Variants in TOX observed in about 807,000 individuals in gnomAD.
TOX encodes thymocyte selection-associated high mobility group box protein TOX.
TOX carries 11 observed loss-of-function variants against 53.7 expected under a neutral mutation model. The ratio of observed to expected loss-of-function variants is 0.20; its 90% CI spans 0.13 to 0.34. The LOEUF is 0.34. Ranked by LOEUF, TOX falls within the 10% of genes least tolerant of loss-of-function variation. The pLI, the probability that TOX is intolerant of heterozygous loss-of-function variation, is 1.00. For synonymous variants in TOX, 225 were observed against 245.3 expected (o/e 0.92, Z 0.77); for missense variants, 570 against 664.6 (o/e 0.86, Z 1.56).
intron 1 of TOX, among the ~76,000 whole-genome samples, chr8:59,038,970 A>G (rs929280957): frequency 6.6e-6 from 1 of 152,212 alleles, no homozygotes; most frequent in Non-Finnish European, 1.5e-5. Context: ...ATTCTTAGAC[A>G]GCTCCACACC....
intron 1 of TOX, among the ~76,000 whole-genome samples, chr8:59,042,086 G>A (rs1031068813): frequency 5.9e-5 from 9 of 152,014 alleles, no homozygotes; most frequent in African/African-American, 1.9e-4. Context: ...ACAACCAAAG[G>A]GGTTTCTAAT....
chr8:58,967,068 G>T (rs1452963753), intron 1 of TOX, among the ~76,000 whole-genome samples: 2 of 151,846 alleles, frequency 1.3e-5, no homozygotes, highest in African/African-American at 4.8e-5. Flanking sequence ...TAGAGACGGG[G>T]TTTCACCGTG....
At chr8:59,048,665 C>T (rs1803732087) in intron 1 of TOX, among the ~76,000 whole-genome samples, 1 of 152,028 alleles carries the variant, frequency 6.6e-6, no homozygotes, top group South Asian at 2.1e-4. Flanking sequence ...TAATTCTTCC[C>T]AGATACATTT....
chr8:58,906,164 T>C (rs977823120), intron 3 of TOX, among the ~76,000 whole-genome samples: 1 of 152,208 alleles, frequency 6.6e-6, no homozygotes, highest in Non-Finnish European at 1.5e-5. Context: ...GAATTTCCTG[T>C]CAAGTAAACA....
chr8:58,939,160 G>A lies in TOX; in HGVS notation c.411+142C>T, dbSNP rs1055177064. On this transcript the variant is annotated intron_variant, in intron 3 of 8. Coordinates refer to ENST00000361421, the MANE Select transcript of TOX (RefSeq NM_014729.3). ...AAATAGAACATTGCTTTAGAAATGT[G>A]TATGATTTATAAATAACTGTCTCCA... The A allele has an allele frequency of 3.6e-6, 4 of 1,098,398 alleles. No individual in the cohort carries two copies. The African/African-American group carries it at 6.3e-5, about 17-fold the overall frequency. 68.0% of individuals were successfully genotyped at this position (1,098,398 alleles called of 1,614,324 possible).
intron 1 of TOX, among the ~76,000 whole-genome samples, chr8:59,088,265 A>G (rs1302280523): frequency 6.6e-6 from 1 of 152,182 alleles, no homozygotes; most frequent in African/African-American, 2.4e-5. Flanking sequence ...TTTTCTTTCA[A>G]AAGTTCATTT....
At chr8:59,107,363 T>C (rs1405349543) in intron 1 of TOX, among the ~76,000 whole-genome samples, 4 of 152,170 alleles carry the variant, frequency 2.6e-5, no homozygotes, top group Non-Finnish European at 5.9e-5. Flanking sequence ...CCCTTCATAA[T>C]AGCATATTAG....
rs569743234 is a variant in TOX, at chr8:59,071,381, A to G, written c.102+47505T>C. On this transcript the variant is annotated intron_variant, in intron 1 of 8. Coordinates refer to ENST00000361421, the MANE Select transcript of TOX (RefSeq NM_014729.3). The stretch of plus-strand genomic sequence containing the variant: ...ACTTCATATGGAATGCTCTCCACTC[A>G]GGGAATCTTTTCCTCACTGGACACT... Among the ~76,000 whole-genome samples the G allele has an allele frequency of 9.2e-5, 14 of 152,368 alleles. No individual in the cohort carries two copies. In the South Asian group the frequency reaches 1.9e-3, roughly 20 times the overall value.
chr8:59,102,862 CCTCT>C (rs1054742493), intron 1 of TOX, among the ~76,000 whole-genome samples: 8 of 152,078 alleles, frequency 5.3e-5, no homozygotes, highest in African/African-American at 1.7e-4. Context: ...ATGTTACAGG[CCTCT>C]CTCAGCCCTA....
At chr8:59,101,558 C>T (rs185420204) in intron 1 of TOX, among the ~76,000 whole-genome samples, 4 of 152,292 alleles carry the variant, frequency 2.6e-5, no homozygotes, top group East Asian at 3.9e-4. Flanking sequence ...TCCTAGACTG[C>T]TGTTGCAGAT....
chr8:59,094,813 C>G (rs1469452885), intron 1 of TOX, among the ~76,000 whole-genome samples: 1 of 152,146 alleles, frequency 6.6e-6, no homozygotes, highest in East Asian at 1.9e-4. Flanking sequence ...AGGAGGTTTA[C>G]ATTTCCATAT....
chr8:58,889,063 A>C (rs1811518624), intron 3 of TOX, among the ~76,000 whole-genome samples: 1 of 152,064 alleles, frequency 6.6e-6, no homozygotes. Context: ...TAAAAATGTA[A>C]ATTTGTATAA....
At chr8:58,816,427 C>T (rs567982343) in intron 6 of TOX, among the ~76,000 whole-genome samples, 5 of 152,084 alleles carry the variant, frequency 3.3e-5, no homozygotes, top group Admixed American at 6.6e-5. Context: ...TAATTTTTTC[C>T]GCACCTTCAT....
Position 58,865,749 on chromosome 8 carries a change from GGGAATTTTTTAAA to G in TOX, c.412-13957_412-13945del, listed in dbSNP as rs1811086085. Reference sequence around the variant, plus strand: ...GTTAGTAGAGATTTTAATCTGCCAGGGGAATTTTTTAAAATTAGAAGTAATATTCATTTTGTCA... The same window carrying G: ...GTTAGTAGAGATTTTAATCTGCCAGGATTAGAAGTAATATTCATTTTGTCA... On this transcript the variant is annotated intron_variant, in intron 3 of 8. Coordinates refer to ENST00000361421, the MANE Select transcript of TOX (RefSeq NM_014729.3). 2.6e-5 allele frequency among the ~76,000 whole-genome samples: 4 copies of G among 151,966 alleles called. No individual in the cohort carries two copies. In the South Asian group the frequency reaches 8.3e-4, roughly 32 times the overall value.
intron 1 of TOX, among the ~76,000 whole-genome samples, chr8:59,113,683 G>C (rs1311832568): frequency 6.6e-6 from 1 of 152,096 alleles, no homozygotes; most frequent in South Asian, 2.1e-4. Flanking sequence ...GATTGGGGAG[G>C]AGACTAGCAA....
rs116251548 is a variant in TOX at position 59,013,349 on chromosome 8, T to C, written c.103-53341A>G. 1.7e-3 allele frequency among the ~76,000 whole-genome samples: 262 copies of C among 152,158 alleles called. 1 individual carries two copies. The highest frequency in any genetic ancestry group is 6.1e-3 in the African/African-American group (252 of 41,550). Reference sequence around the variant, plus strand: ...ACATAAAGTATGAGGCTTCAGATTATCTTAAAGTTATCATTTGATAATTTA... The same window carrying C: ...ACATAAAGTATGAGGCTTCAGATTACCTTAAAGTTATCATTTGATAATTTA... On this transcript the variant is annotated intron_variant, in intron 1 of 8. Coordinates refer to ENST00000361421, the MANE Select transcript of TOX (RefSeq NM_014729.3).
At chr8:59,040,627 A>T (rs1241276351) in intron 1 of TOX, among the ~76,000 whole-genome samples, 1 of 152,250 alleles carries the variant, frequency 6.6e-6, no homozygotes, top group Non-Finnish European at 1.5e-5. Flanking sequence ...TGCCCTAGCC[A>T]ACTACTGAAG....
chr8:59,084,047 A>G (rs953102118), intron 1 of TOX, among the ~76,000 whole-genome samples: 7 of 152,200 alleles, frequency 4.6e-5, no homozygotes, highest in African/African-American at 1.2e-4. Flanking sequence ...TCAGGTTATA[A>G]AGAAATGTTA....
intron 4 of TOX, among the ~76,000 whole-genome samples, chr8:58,838,944 C>T (rs1810596694): frequency 6.6e-6 from 1 of 152,098 alleles, no homozygotes; most frequent in Non-Finnish European, 1.5e-5. Flanking sequence ...TGGTGATCCA[C>T]CTGCCTTGGC....
Sources: gnomAD v4.1 joint callset for allele counts (sites outside exome capture counted in the v4.1 genomes callset) on GRCh38, gnomAD v4.1.1 for gene constraint, MANE v1.5 for transcripts, NCBI Gene and HGNC (gene_info 2026-07-23, HGNC 2026-07-21) for gene names.